AASDH: variants seen among roughly 807,000 people sequenced by gnomAD.
AASDH encodes the protein beta-alanine-activating enzyme.
In AASDH, 81 loss-of-function variants were observed where a neutral mutation model predicts 102.3. The ratio of observed to expected loss-of-function variants is 0.79; its 90% CI spans 0.66 to 0.95. The LOEUF is 0.95. Among genes scored for constraint, AASDH ranks in the 40% least tolerant of loss-of-function variants. The pLI is 0.00. For missense variants in AASDH, 1,203 were observed against 1,266.2 expected (o/e 0.95, Z 0.76); for synonymous variants, 398 against 454.0 (o/e 0.88, Z 1.57).
Position 56,351,368 on chromosome 4 carries a change from A to T in AASDH, c.1666T>A (p.Trp556Arg). Residue 556 changes from tryptophan (W) to arginine (R), a missense_variant, in exon 10 of 15, where the codon TGG (tryptophan) becomes AGG (arginine). Trp to Arg is a moderately radical substitution (Grantham distance 101, BLOSUM62 -3). Coordinates refer to ENST00000205214, the MANE Select transcript of AASDH (RefSeq NM_181806.4). ...ENKLSGKEDL[W>R]EKLQYLWKST... ...TTCCACAAATACTGTAATTTTTCCC[A>T]AAGGTCCTCTTTCCCACTGAGCTTA... 1 of 1,594,240 alleles carries T rather than the reference A, an allele frequency of 6.3e-7. No individual in the cohort carries two copies. The highest frequency in any genetic ancestry group is 8.6e-7 in the Non-Finnish European group (1 of 1,165,606).
At position 56,353,488 on chromosome 4, in the gene AASDH, A is replaced by C. The variant is rs1749232691; in HGVS notation, c.1492T>G (p.Phe498Val). The change falls in exon 9 of 15, where the codon TTT becomes GTT. Residue 498 changes from phenylalanine to valine, a missense_variant. By Grantham distance (50) the Phe-to-Val change is conservative (BLOSUM62 -1). Coordinates refer to ENST00000205214, the MANE Select transcript of AASDH (RefSeq NM_181806.4). ...GGAAGATATTTCTGCAGTTCTTTAA[A>C]GATGTATTCTTTTACTGAAGCATCT... ...SKDASVKEYI[F>V]KELQKYLPSH... 1 of 1,613,946 alleles carries C rather than the reference A, an allele frequency of 6.2e-7. No homozygotes were observed. Among genetic ancestry groups the C allele is most frequent in the Non-Finnish European group, 8.5e-7 (1 of 1,179,982 alleles).
At chr4:56,356,611 G>A (rs1303196443) in intron 5 of AASDH, 5 of 719,188 alleles carry the variant, frequency 7.0e-6, no homozygotes, top group Admixed American at 1.9e-5. Context: ...GACTGCACAC[G>A]TGGCTCCCAT....
rs535570205 is a variant in AASDH, at chr4:56,343,438, C to A, written c.2775+124G>T. On this transcript the variant is annotated intron_variant, in intron 13 of 14. Transcript: ENST00000205214. ...TCATGTCAATCATTTTTAATGAATT[C>A]CAGTTTGGTGTATGTGGACTACTAC... is the stretch of plus-strand genomic sequence containing the variant. The A allele has an allele frequency of 2.9e-5, 17 of 581,856 alleles. No homozygotes were observed. In the East Asian group the frequency reaches 5.4e-4, roughly 18 times the overall value. 36.0% of individuals were successfully genotyped at this position (581,856 alleles called of 1,614,324 possible).
At chr4:56,365,949 T>C (rs1166362545) in intron 5 of AASDH, among the ~76,000 whole-genome samples, 1 of 151,932 alleles carries the variant, frequency 6.6e-6, no homozygotes, top group African/African-American at 2.4e-5. Context: ...TTTGAAAAGA[T>C]CAACAAAATT....
intron 8 of AASDH, 130 bp downstream of exon 8, chr4:56,353,909 T>G: frequency 1.2e-6 from 1 of 819,684 alleles, no homozygotes; most frequent in Non-Finnish European, 1.8e-6. Context: ...ATTCATACCC[T>G]TTATTGTAAT....
chr4:56,382,652 T>C, intron 2 of AASDH, 55 bp from the exon 3 acceptor site: 1 of 1,554,022 alleles, frequency 6.4e-7, no homozygotes, highest in Non-Finnish European at 8.7e-7. Flanking sequence ...AGTATTTGTT[T>C]AAGCATTTCT....
Position 56,371,627 on chromosome 4 carries a change from T to C in AASDH, c.685A>G (p.Thr229Ala). Residue 229 changes from threonine to alanine, a missense_variant, in exon 5 of 15, where the codon ACA becomes GCA. Physicochemically the swap from Thr to Ala is moderately conservative, Grantham distance 58 (BLOSUM62 0). Transcript: ENST00000205214. ...GCCAGAAACAAAACATCTTCTTGTG[T>C]GATGTCAAAAAGTACCCTAAGGCAA... ...IQHFRVLFDI[T>A]QEDVLFLASP... The C allele has an allele frequency of 1.2e-6, 2 of 1,603,826 alleles. No individual in the cohort carries two copies. The highest frequency in any genetic ancestry group is 1.7e-6 in the Non-Finnish European group (2 of 1,177,952).
Position 56,353,496 on chromosome 4 carries a change from T to G in AASDH, c.1484A>C (p.Glu495Ala), listed in dbSNP as rs763378158. 9 of 1,613,748 alleles carry G rather than the reference T, an allele frequency of 5.6e-6. No individual in the cohort carries two copies. The highest frequency in any genetic ancestry group is 7.6e-6 in the Non-Finnish European group (9 of 1,179,904). Residue 495 changes from glutamate to alanine, a missense_variant, in exon 9 of 15, where the codon GAA (glutamate) becomes GCA (alanine). Glu to Ala is a moderately radical substitution (Grantham distance 107). Transcript: ENST00000205214. Reference protein sequence around the residue: ...FMVSKDASVKEYIFKELQKYL... With the variant: ...FMVSKDASVKAYIFKELQKYL... ...TTTCTGCAGTTCTTTAAAGATGTAT[T>G]CTTTTACTGAAGCATCTTTAGACAC...
At chr4:56,362,456 G>A (rs765509750) in intron 5 of AASDH, among the ~76,000 whole-genome samples, 10 of 151,950 alleles carry the variant, frequency 6.6e-5, no homozygotes, top group Non-Finnish European at 1.5e-4. Flanking sequence ...GTAGAGACGG[G>A]GTTTTGCCAT....
In AASDH at chr4:56,339,293, G is replaced by A. The variant is rs556443695; in HGVS notation, c.2908-502C>T. Among the ~76,000 whole-genome samples, 983 of 151,778 alleles carry A rather than the reference G, an allele frequency of 6.5e-3. 6 individuals are homozygous for A. Among genetic ancestry groups the A allele is most frequent in the Non-Finnish European group, 0.011 (718 of 67,916 alleles). On this transcript the variant is annotated intron_variant, in intron 14 of 14. Coordinates refer to ENST00000205214, the MANE Select transcript of AASDH (RefSeq NM_181806.4). ...CTCAGCCTCCCGAGTAGCTAGGCGCGTGCCACCACACCCAGGTAATTTTTT... is the reference window on the plus strand; with the variant it reads ...CTCAGCCTCCCGAGTAGCTAGGCGCATGCCACCACACCCAGGTAATTTTTT...
Position 56,355,365 on chromosome 4 carries a change from G to A in AASDH, c.920C>T (p.Ser307Leu). 1 of 1,614,092 alleles carries A rather than the reference G, an allele frequency of 6.2e-7. No individual in the cohort carries two copies. Among genetic ancestry groups the A allele is most frequent in the Non-Finnish European group, 8.5e-7 (1 of 1,179,952 alleles). ...TAATACTCGAAGAGAAGTAGTGGCT[G>A]ACAAAACAGTTGACTTGATAAGCTG... The part of the protein sequence containing the change: ...GSQLIKSTVL[S>L]ATTSLRVLAL... The change falls in exon 6 of 15, where the codon TCA becomes TTA. Residue 307 changes from serine to leucine, a missense_variant. Ser to Leu is a moderately radical substitution (Grantham distance 145, BLOSUM62 -2). Coordinates refer to ENST00000205214, the MANE Select transcript of AASDH (RefSeq NM_181806.4).
At chr4:56,352,649 G>A (rs1749139694) in intron 9 of AASDH, among the ~76,000 whole-genome samples, 1 of 152,198 alleles carries the variant, frequency 6.6e-6, no homozygotes. Context: ...ACCTGCCTTG[G>A]CATCCCAAAG....
At chr4:56,342,268 T>C (rs549678248) in intron 14 of AASDH, among the ~76,000 whole-genome samples, 3 of 152,298 alleles carry the variant, frequency 2.0e-5, no homozygotes, top group Non-Finnish European at 4.4e-5. Flanking sequence ...ATATGTTGTA[T>C]ATTTCAGAAC....
intron 11 of AASDH, 130 bp from the exon 12 acceptor site, chr4:56,345,420 T>G: frequency 1.2e-6 from 1 of 830,806 alleles, no homozygotes; most frequent in Non-Finnish European, 1.8e-6. Context: ...TCATCTGGCT[T>G]ACATTTTAGC....
At position 56,355,371 on chromosome 4, in the gene AASDH, A is replaced by G; in HGVS notation, c.914T>C (p.Val305Ala). 1 of 1,614,102 alleles carries G rather than the reference A, an allele frequency of 6.2e-7. No individual in the cohort carries two copies. The highest frequency in any genetic ancestry group is 8.5e-7 in the Non-Finnish European group (1 of 1,179,966). The change falls in exon 6 of 15, where the codon GTT becomes GCT. Residue 305 changes from valine to alanine, a missense_variant. Val to Ala is a moderately conservative substitution (Grantham distance 64). Coordinates refer to ENST00000205214, the MANE Select transcript of AASDH (RefSeq NM_181806.4). ...TCGAAGAGAAGTAGTGGCTGACAAA[A>G]CAGTTGACTTGATAAGCTGAGATCC... The part of the protein sequence containing the change: ...RFGSQLIKST[V>A]LSATTSLRVL...
intron 12 of AASDH, 44 bp from the exon 13 acceptor site, chr4:56,343,728 AC>A (rs1218412342): frequency 6.4e-7 from 1 of 1,569,000 alleles, no homozygotes; most frequent in African/African-American, 1.4e-5. Flanking sequence ...TTGATGGTTA[AC>A]AAATCCATAT....
intron 5 of AASDH, among the ~76,000 whole-genome samples, chr4:56,363,980 A>T (rs558903424): frequency 6.6e-6 from 1 of 152,190 alleles, no homozygotes; most frequent in Non-Finnish European, 1.5e-5. Flanking sequence ...TTGAAAAAAA[A>T]TTAGACAAAT....
In AASDH at chr4:56,338,693, G is replaced by A. The variant is rs764312880; in HGVS notation, c.3006C>T (p.Tyr1002=). 8 of 1,614,168 alleles carry A rather than the reference G, an allele frequency of 5.0e-6. No homozygotes were observed. The highest frequency in any genetic ancestry group is 1.3e-5 in the African/African-American group (1 of 75,062). ...GCAGGTGACCTTTCATGTTACAACA[G>A]TAGATAAAGCAATCATGGGAACCAA... ...IFFGSHDCFI[Y]CCNMKGHLQW... Residue 1002 remains tyrosine (Y), a synonymous_variant, in exon 15 of 15, where the codon TAC becomes TAT. Coordinates refer to ENST00000205214, the MANE Select transcript of AASDH (RefSeq NM_181806.4).
intron 11 of AASDH, among the ~76,000 whole-genome samples, chr4:56,348,331 A>G (rs1560570186): frequency 6.6e-6 from 1 of 151,498 alleles, no homozygotes; most frequent in Non-Finnish European, 1.5e-5. Context: ...CACCACTCAC[A>G]GCAGCCTCAA....
Sources: allele counts gnomAD v4.1 joint callset (sites outside exome capture counted in the v4.1 genomes callset), GRCh38; gene constraint gnomAD v4.1.1; transcripts MANE v1.5; gene names NCBI Gene and HGNC (gene_info 2026-07-23, HGNC 2026-07-21).